The following KAZN variants were observed in gnomAD, a reference collection of about 807,000 sequenced individuals.
KAZN encodes the protein kazrin.
A neutral mutation model predicts 87.4 loss-of-function variants in KAZN; 40 were observed. That is an observed-to-expected ratio of 0.46 (90% CI 0.36 to 0.60). The LOEUF (loss-of-function observed/expected upper bound fraction) is 0.60. Among genes scored for constraint, KAZN ranks in the 20% least tolerant of loss-of-function variants. The pLI, the probability that KAZN is intolerant of heterozygous loss-of-function variation, is 0.00. For synonymous variants in KAZN, 466 were observed against 458.3 expected (o/e 1.02, Z -0.22); for missense variants, 898 against 1,073.9 (o/e 0.84, Z 2.29).
At chr1:13,984,129 G>T (rs936672268) in intron 1 of KAZN, among the ~76,000 whole-genome samples, 1 of 152,030 alleles carries the variant, frequency 6.6e-6, no homozygotes, top group South Asian at 2.1e-4. Flanking sequence ...TCCAGCCTCA[G>T]CCTCCCCAGT....
intron 2 of KAZN, among the ~76,000 whole-genome samples, chr1:14,502,921 T>C (rs1670339645): frequency 6.6e-6 from 1 of 152,148 alleles, no homozygotes; most frequent in South Asian, 2.1e-4. Flanking sequence ...CAGCCAGAAC[T>C]TTCACTTCAG....
chr1:14,356,509 G>A (rs1166692040), intron 2 of KAZN, among the ~76,000 whole-genome samples: 1 of 152,170 alleles, frequency 6.6e-6, no homozygotes, highest in East Asian at 1.9e-4. Context: ...CCATGCCTAG[G>A]TCCTGAATGG....
intron 8 of KAZN, among the ~76,000 whole-genome samples, chr1:15,088,187 T>C (rs778186260): frequency 6.6e-6 from 1 of 152,156 alleles, no homozygotes; most frequent in Non-Finnish European, 1.5e-5. Context: ...CTTTAGACAA[T>C]AAATAAACAA....
intron 2 of KAZN, among the ~76,000 whole-genome samples, chr1:14,350,657 T>C (rs534676668): frequency 6.6e-6 from 1 of 152,334 alleles, no homozygotes; most frequent in Non-Finnish European, 1.5e-5. Context: ...TCCATCGAAG[T>C]GTCCACAGTG....
At chr1:14,883,855 C>T (rs1051712468) in intron 1 of KAZN, among the ~76,000 whole-genome samples, 3 of 152,060 alleles carry the variant, frequency 2.0e-5, no homozygotes, top group Admixed American at 6.5e-5. Flanking sequence ...CATCAAACAC[C>T]CCTTACGGTT....
chr1:13,931,781 A>G (rs965032730), intron 1 of KAZN, among the ~76,000 whole-genome samples: 1 of 152,220 alleles, frequency 6.6e-6, no homozygotes, highest in Admixed American at 6.5e-5. Flanking sequence ...GCAAATACTC[A>G]TAATTACATT....
chr1:14,721,570 G>C (rs1042240583), intron 1 of KAZN, among the ~76,000 whole-genome samples: 1 of 152,234 alleles, frequency 6.6e-6, no homozygotes, highest in Non-Finnish European at 1.5e-5. Context: ...AGGTCTGGTT[G>C]TGTTGAGTAT....
intron 1 of KAZN, among the ~76,000 whole-genome samples, chr1:14,737,459 G>A (rs528531276): frequency 6.6e-6 from 1 of 152,200 alleles, no homozygotes; most frequent in African/African-American, 2.4e-5. Context: ...AAACCACAAG[G>A]CTCTAAGGGG....
intron 1 of KAZN, among the ~76,000 whole-genome samples, chr1:14,145,926 A>G (rs1645339226): frequency 2.6e-5 from 4 of 152,224 alleles, no homozygotes; most frequent in Admixed American, 6.5e-5. Flanking sequence ...TGTCTTGCAC[A>G]TTATGACAAA....
intron 4 of KAZN, among the ~76,000 whole-genome samples, chr1:15,047,822 G>T (rs1212679279): frequency 6.6e-6 from 1 of 152,128 alleles, no homozygotes; most frequent in Non-Finnish European, 1.5e-5. Context: ...GGCCCGGGGG[G>T]ATGGTGCACT....
At chr1:14,352,730 T>TA (rs1222741457) in intron 2 of KAZN, among the ~76,000 whole-genome samples, 1 of 152,064 alleles carries the variant, frequency 6.6e-6, no homozygotes. Flanking sequence ...TTTCATCAAA[T>TA]AGACAGACAA....
intron 2 of KAZN, among the ~76,000 whole-genome samples, chr1:14,262,385 T>A (rs1224442771): frequency 6.6e-6 from 1 of 152,248 alleles, no homozygotes; most frequent in East Asian, 1.9e-4. Context: ...ATGTGGAAAC[T>A]TTTAAAAGCC....
At chr1:14,463,248 A>AGCGT (rs1457871354) in intron 2 of KAZN, among the ~76,000 whole-genome samples, 1 of 152,042 alleles carries the variant, frequency 6.6e-6, no homozygotes, top group Non-Finnish European at 1.5e-5. Context: ...TGCTGGTGGG[A>AGCGT]GCGTCTTATG....
chr1:14,526,129 C>A (rs1557777381), intron 2 of KAZN, among the ~76,000 whole-genome samples: 1 of 152,210 alleles, frequency 6.6e-6, no homozygotes, highest in African/African-American at 2.4e-5. Context: ...CTGGGATGCC[C>A]CCACATTTTT....
chr1:14,892,206 A>T (rs977331935), intron 1 of KAZN, among the ~76,000 whole-genome samples: 2 of 152,130 alleles, frequency 1.3e-5, no homozygotes, highest in African/African-American at 2.4e-5. Flanking sequence ...CACCTGCCAC[A>T]AACACTAAAT....
chr1:15,076,744 C>T (rs951632104), intron 8 of KAZN, among the ~76,000 whole-genome samples: 1 of 152,358 alleles, frequency 6.6e-6, no homozygotes, highest in Non-Finnish European at 1.5e-5. Flanking sequence ...CTCATGCTTA[C>T]TAGTTGTAAA....
At chr1:14,738,869 G>A (rs898408915) in intron 1 of KAZN, among the ~76,000 whole-genome samples, 3 of 152,166 alleles carry the variant, frequency 2.0e-5, no homozygotes, top group Non-Finnish European at 4.4e-5. Flanking sequence ...GGCAGAGTCT[G>A]AGTTGAAAAC....
At chr1:14,747,770 T>G (rs1644302009) in intron 1 of KAZN, among the ~76,000 whole-genome samples, 1 of 152,228 alleles carries the variant, frequency 6.6e-6, no homozygotes, top group African/African-American at 2.4e-5. Flanking sequence ...TTTAACTTTT[T>G]GAGAAATTTT....
chr1:15,110,547 GTT>G (rs1491148213), intron 13 of KAZN, among the ~76,000 whole-genome samples: 2,871 of 122,396 alleles, frequency 0.023, 103 homozygotes, highest in African/African-American at 0.089. Flanking sequence ...GTGCATATGT[GTT>G]TGTGTGTGTG....
Sources: allele counts gnomAD v4.1 joint callset (sites outside exome capture counted in the v4.1 genomes callset), GRCh38; gene constraint gnomAD v4.1.1; transcripts MANE v1.5; gene names NCBI Gene and HGNC (gene_info 2026-07-23, HGNC 2026-07-21).